CNTNAP2: variants seen among roughly 807,000 people sequenced by gnomAD.
CNTNAP2 encodes contactin-associated protein-like 2.
Under a neutral mutation model 155.2 loss-of-function variants are expected in CNTNAP2, and 98 were observed. The ratio of observed to expected loss-of-function variants is 0.63; its 90% CI spans 0.54 to 0.75. The LOEUF (loss-of-function observed/expected upper bound fraction) is 0.75, where lower values mean the gene tolerates loss of function less well. Among genes scored for constraint, CNTNAP2 ranks in the 30% least tolerant of loss-of-function variants. The pLI, the probability that CNTNAP2 is intolerant of heterozygous loss-of-function variation, is 0.00. For synonymous variants in CNTNAP2, 651 were observed against 631.2 expected, an observed-to-expected ratio of 1.03 and a Z score of -0.47; for missense variants, 1,727 against 1,688.1, an observed-to-expected ratio of 1.02 and a Z score of -0.40.
chr7:146,574,638 T>C (rs989855699), intron 1 of CNTNAP2, among the ~76,000 whole-genome samples: 2 of 151,998 alleles, frequency 1.3e-5, no homozygotes, highest in African/African-American at 4.8e-5. Context: ...GAGGCGGAGG[T>C]TGCTGTGAGC....
intron 3 of CNTNAP2, among the ~76,000 whole-genome samples, chr7:146,987,944 A>G (rs1798142843): frequency 2.6e-5 from 4 of 152,282 alleles, no homozygotes; most frequent in Admixed American, 1.3e-4. Context: ...CTAGCATAGT[A>G]TAATGACAGG....
intron 18 of CNTNAP2, among the ~76,000 whole-genome samples, chr7:148,214,431 T>C (rs4509235): frequency 0.98 from 149,519 of 152,330 alleles, 73,446 homozygotes; most frequent in East Asian, 1. Flanking sequence ...AATCTTCTCA[T>C]GGGAAGTGAT....
intron 4 of CNTNAP2, among the ~76,000 whole-genome samples, chr7:147,044,320 G>C (rs1226730762): frequency 1.3e-5 from 2 of 151,868 alleles, no homozygotes; most frequent in Non-Finnish European, 2.9e-5. Flanking sequence ...GATTTGGAAA[G>C]GTTTTTTTTG....
intron 9 of CNTNAP2, among the ~76,000 whole-genome samples, chr7:147,327,076 G>A (rs1160801799): frequency 6.6e-6 from 1 of 152,198 alleles, no homozygotes; most frequent in Non-Finnish European, 1.5e-5. Flanking sequence ...CAGGCAAGCT[G>A]AGGAAATTTC....
intron 21 of CNTNAP2, among the ~76,000 whole-genome samples, chr7:148,268,242 G>A (rs1441758253): frequency 6.6e-6 from 1 of 152,138 alleles, no homozygotes; most frequent in Admixed American, 6.5e-5. Flanking sequence ...GTGGGAGGGA[G>A]GTCACTCGGC....
chr7:146,427,115 A>C (rs79524417), intron 1 of CNTNAP2, among the ~76,000 whole-genome samples: 1,941 of 152,252 alleles, frequency 0.013, 21 homozygotes, highest in Non-Finnish European at 0.019. Flanking sequence ...TTCAGAAAAA[A>C]AGCAAACCTC....
intron 1 of CNTNAP2, among the ~76,000 whole-genome samples, chr7:146,347,512 C>T (rs1052078868): frequency 1.3e-5 from 2 of 152,154 alleles, no homozygotes; most frequent in Non-Finnish European, 2.9e-5. Context: ...TTAAAAAATG[C>T]TTACAATAAG....
At chr7:148,415,270 A>G (rs1422796601) in intron 23 of CNTNAP2, 147 bp from the exon 24 acceptor site, 1 of 845,044 alleles carries the variant, frequency 1.2e-6, no homozygotes, top group Non-Finnish European at 1.9e-6. Context: ...CAGACATCTT[A>G]CTTCATTTTT....
intron 1 of CNTNAP2, among the ~76,000 whole-genome samples, chr7:146,720,996 TATAGTC>T (rs1227593622): frequency 0.013 from 1,292 of 101,834 alleles, 43 homozygotes; most frequent in African/African-American, 0.092. Flanking sequence ...ACTGTATATA[TATAGTC>T]TATATATATA....
At chr7:147,240,163 T>C (rs574279540) in intron 8 of CNTNAP2, among the ~76,000 whole-genome samples, 1 of 152,100 alleles carries the variant, frequency 6.6e-6, no homozygotes, top group African/African-American at 2.4e-5. Flanking sequence ...AAAAAAAACA[T>C]GAAAAACAAA....
At chr7:146,689,480 C>T (rs1177079817) in intron 1 of CNTNAP2, among the ~76,000 whole-genome samples, 3 of 151,986 alleles carry the variant, frequency 2.0e-5, no homozygotes, top group Admixed American at 1.3e-4. Flanking sequence ...GGAATTTTCT[C>T]AGTGGTGTTT....
intron 18 of CNTNAP2, among the ~76,000 whole-genome samples, chr7:148,177,874 T>C (rs924877651): frequency 1.4e-5 from 2 of 146,072 alleles, no homozygotes; most frequent in African/African-American, 2.5e-5. Flanking sequence ...AAAAATAGGA[T>C]ACAAGAATTG....
At chr7:147,712,665 G>A (rs1245396832) in intron 13 of CNTNAP2, among the ~76,000 whole-genome samples, 1 of 152,132 alleles carries the variant, frequency 6.6e-6, no homozygotes, top group Non-Finnish European at 1.5e-5. Flanking sequence ...AACACCGCAT[G>A]TTCTCACTCA....
At chr7:147,726,115 A>G (rs1796637938) in intron 13 of CNTNAP2, among the ~76,000 whole-genome samples, 1 of 152,068 alleles carries the variant, frequency 6.6e-6, no homozygotes, top group Non-Finnish European at 1.5e-5. Context: ...TCAGGGGGAT[A>G]ACGAGAGCTG....
chr7:147,025,221 T>C (rs1171268875), intron 3 of CNTNAP2, among the ~76,000 whole-genome samples: 1 of 141,568 alleles, frequency 7.1e-6, no homozygotes, highest in Non-Finnish European at 1.5e-5. Flanking sequence ...GGGAAGCGGA[T>C]GTTTCAGTAA....
chr7:147,807,054 G>A (rs1398967223), intron 13 of CNTNAP2, among the ~76,000 whole-genome samples: 1 of 152,158 alleles, frequency 6.6e-6, no homozygotes, highest in Non-Finnish European at 1.5e-5. Flanking sequence ...GCTCAAGCCT[G>A]TAATCCTAGC....
At chr7:148,153,763 C>T (rs1256364703) in intron 17 of CNTNAP2, among the ~76,000 whole-genome samples, 1 of 152,194 alleles carries the variant, frequency 6.6e-6, no homozygotes, top group African/African-American at 2.4e-5. Context: ...AAGATATCTG[C>T]TGGGCCCCCA....
intron 1 of CNTNAP2, among the ~76,000 whole-genome samples, chr7:146,517,213 G>A (rs776446084): frequency 4.6e-5 from 7 of 151,940 alleles, no homozygotes; most frequent in African/African-American, 1.2e-4. Flanking sequence ...TCAAAGGAAC[G>A]TAGTATATAT....
At position 147,773,553 on chromosome 7, in the gene CNTNAP2, T is replaced by C. The variant is rs551816688; in HGVS notation, c.2099-130012T>C. On this transcript the variant is annotated intron_variant, in intron 13 of 23. Transcript: ENST00000361727. ...TGTGCTAGAACTAGTCATCAACATA[T>C]AGTCCAAAACAACAACTAATTCTGC... Among the ~76,000 whole-genome samples, 6 of 152,312 alleles carry C rather than the reference T, an allele frequency of 3.9e-5. No homozygotes were observed. In the South Asian group the frequency reaches 8.3e-4, roughly 21 times the overall value.
Sources: allele counts gnomAD v4.1 joint callset (sites outside exome capture counted in the v4.1 genomes callset), GRCh38; gene constraint gnomAD v4.1.1; transcripts MANE v1.5; gene names NCBI Gene and HGNC (gene_info 2026-07-23, HGNC 2026-07-21).